The following FGF18 variants were observed in gnomAD, a reference collection of about 807,000 sequenced individuals.
FGF18 encodes the protein fibroblast growth factor 18.
FGF18 carries 5 observed loss-of-function variants against 23.0 expected under a neutral mutation model. That is an observed-to-expected ratio of 0.22 (90% CI 0.11 to 0.46). The LOEUF is 0.46. Among genes scored for constraint, FGF18 ranks in the 20% least tolerant of loss-of-function variants. FGF18 has a pLI of 0.99. For missense variants in FGF18, 180 were observed against 291.6 expected, an observed-to-expected ratio of 0.62 and a Z score of 2.79; for synonymous variants, 117 against 118.9, an observed-to-expected ratio of 0.98 and a Z score of 0.10.
At position 171,420,155 on chromosome 5, in the gene FGF18, A is replaced by G; in HGVS notation, c.-45A>G. ...CCGGTCCCGGCCGCGCGGAGCGGAC[A>G]TGTGCAGGCTGGGCTAGGAGCCGCC... On this transcript the variant is annotated 5_prime_UTR_variant, in exon 1 of 5. An upstream start codon of the reference 5' UTR is lost. Transcript: ENST00000274625. 6.7e-7 allele frequency: 1 copy of G among 1,503,752 alleles called. No individual in the cohort carries two copies. The highest frequency in any genetic ancestry group is 8.9e-7 in the Non-Finnish European group (1 of 1,129,730). 93.2% of individuals were successfully genotyped at this position (1,503,752 alleles called of 1,614,324 possible).
Position 171,456,314 on chromosome 5 carries a change from C to A in FGF18, c.358-225C>A. On this transcript the variant is annotated intron_variant, in intron 4 of 4. Transcript: ENST00000274625. The surrounding 1 kb of genome is among the most constrained non-coding windows in gnomAD (Gnocchi z 6.1). ...CTTTAGCCAGAATCCCCTACACCCTCGATGTTTCCTCTTAGTCATTTTCCA... is the reference window on the plus strand; with the variant it reads ...CTTTAGCCAGAATCCCCTACACCCTAGATGTTTCCTCTTAGTCATTTTCCA... Among the ~76,000 whole-genome samples, 1 of 152,152 alleles carries A rather than the reference C, an allele frequency of 6.6e-6. No homozygotes were observed. Among genetic ancestry groups the A allele is most frequent in the East Asian group, 1.9e-4 (1 of 5,184 alleles).
chr5:171,420,568 T>G, intron 2 of FGF18, 125 bp downstream of exon 2: 27 of 905,850 alleles, frequency 3.0e-5, no homozygotes, highest in Non-Finnish European at 4.0e-5. Flanking sequence ...AGTGCACCTG[T>G]TCCCAGGGCG....
At chr5:171,447,960 G>A (rs888758574) in intron 3 of FGF18, among the ~76,000 whole-genome samples, 1 of 152,178 alleles carries the variant, frequency 6.6e-6, no homozygotes, top group Non-Finnish European at 1.5e-5. Flanking sequence ...CTGGTACTGG[G>A]GAGTCAGGCA....
intron 2 of FGF18, among the ~76,000 whole-genome samples, chr5:171,421,635 A>G (rs565141093): frequency 4.6e-5 from 7 of 152,260 alleles, no homozygotes; most frequent in African/African-American, 1.7e-4. Context: ...AGCCACTCGC[A>G]GTGTTTGGCG....
rs944631843 is a variant in FGF18 at position 171,440,872 on chromosome 5, G to A, written c.250+4599G>A. Among the ~76,000 whole-genome samples, 2 of 152,200 alleles carry A rather than the reference G, an allele frequency of 1.3e-5. No individual in the cohort carries two copies. Among genetic ancestry groups the A allele is most frequent in the East Asian group, 1.9e-4 (1 of 5,196 alleles). On this transcript the variant is annotated intron_variant, in intron 3 of 4. Transcript: ENST00000274625. This position sits in a 1 kb window ranked among gnomAD's most constrained non-coding sequence, Gnocchi z 4.0. ...CTTGTCCCAACAAGGGTCCTGCTGC[G>A]GTGGAACCATCTGTTGACGTGGCTG...
chr5:171,452,376 C>G (rs1421344043), intron 4 of FGF18, among the ~76,000 whole-genome samples: 2 of 152,200 alleles, frequency 1.3e-5, no homozygotes, highest in African/African-American at 4.8e-5. Flanking sequence ...TGTGCCAACC[C>G]TGCACATCTC....
chr5:171,453,943 G>A (rs1474651459), intron 4 of FGF18, among the ~76,000 whole-genome samples: 1 of 152,016 alleles, frequency 6.6e-6, no homozygotes, highest in East Asian at 1.9e-4. Flanking sequence ...ATGAAAATGC[G>A]TTCAACCCCA....
chr5:171,443,194 A>T (rs981410851), intron 3 of FGF18, among the ~76,000 whole-genome samples: 1 of 151,660 alleles, frequency 6.6e-6, no homozygotes, highest in Non-Finnish European at 1.5e-5. Context: ...CAGTGGTGCA[A>T]TCTCGGCTCA....
chr5:171,420,563 A>G, intron 2 of FGF18, 120 bp downstream of exon 2: 1 of 972,740 alleles, frequency 1.0e-6, no homozygotes, highest in Non-Finnish European at 1.6e-6. Flanking sequence ...AGCCCAGTGC[A>G]CCTGTTCCCA....
chr5:171,425,631 C>T (rs187527806), intron 2 of FGF18, among the ~76,000 whole-genome samples: 2 of 150,942 alleles, frequency 1.3e-5, no homozygotes, highest in Non-Finnish European at 2.9e-5. Flanking sequence ...GCCGGGTTCA[C>T]GCCATTCTCC....
At chr5:171,432,575 AT>A (rs1193104318) in intron 2 of FGF18, among the ~76,000 whole-genome samples, 2 of 151,914 alleles carry the variant, frequency 1.3e-5, no homozygotes, top group Non-Finnish European at 2.9e-5. Flanking sequence ...CACCTGGCTA[AT>A]TTTTGTATTT....
At chr5:171,435,855 T>G (rs1224339781) in intron 2 of FGF18, among the ~76,000 whole-genome samples, 1 of 152,114 alleles carries the variant, frequency 6.6e-6, no homozygotes, top group Admixed American at 6.5e-5. Flanking sequence ...CTAGGCCTGA[T>G]TCTTAGCTTT....
intron 3 of FGF18, among the ~76,000 whole-genome samples, chr5:171,441,508 TC>T (rs1030248766): frequency 6.6e-6 from 1 of 152,204 alleles, no homozygotes; most frequent in Non-Finnish European, 1.5e-5. Flanking sequence ...AATGCTCTTC[TC>T]CCAGATATCC....
At chr5:171,445,998 C>A (rs1772413873) in intron 3 of FGF18, among the ~76,000 whole-genome samples, 1 of 152,140 alleles carries the variant, frequency 6.6e-6, no homozygotes, top group African/African-American at 2.4e-5. Context: ...TCTCCTGTCT[C>A]TCTCTCTCTG....
intron 2 of FGF18, among the ~76,000 whole-genome samples, chr5:171,430,084 C>T (rs983418030): frequency 1.3e-5 from 2 of 152,320 alleles, no homozygotes; most frequent in South Asian, 2.1e-4. Flanking sequence ...CCAGGCTGAG[C>T]GCGGTGGCTC....
Position 171,449,269 on chromosome 5 carries a change from G to T in FGF18, c.357+16G>T. 6.3e-7 allele frequency: 1 copy of T among 1,597,354 alleles called. No homozygotes were observed. The highest frequency in any genetic ancestry group is 1.1e-5 in the South Asian group (1 of 90,722). On this transcript the variant is annotated intron_variant, in intron 4 of 4. Transcript: ENST00000274625. ...CGTGGGGAAGGTGAGTGATGGTTTG[G>T]GATTCCCGGGAACTTCGGGTTCCCC... is the stretch of plus-strand genomic sequence containing the variant.
chr5:171,454,738 C>T (rs1772558477), intron 4 of FGF18, among the ~76,000 whole-genome samples: 1 of 152,262 alleles, frequency 6.6e-6, no homozygotes, highest in African/African-American at 2.4e-5. Flanking sequence ...CACAGCCAGA[C>T]CGCTGGGCTT....
At chr5:171,433,454 C>A (rs893602047) in intron 2 of FGF18, among the ~76,000 whole-genome samples, 3 of 152,202 alleles carry the variant, frequency 2.0e-5, no homozygotes, top group African/African-American at 7.2e-5. Flanking sequence ...GGGCCAGCCA[C>A]CTCCGGAAGT....
chr5:171,425,943 G>A (rs1170465794), intron 2 of FGF18, among the ~76,000 whole-genome samples: 1 of 152,174 alleles, frequency 6.6e-6, no homozygotes, highest in Non-Finnish European at 1.5e-5. Context: ...CCTGCGTTTG[G>A]TCACATAGCA....
Sources: allele counts gnomAD v4.1 joint callset (sites outside exome capture counted in the v4.1 genomes callset), GRCh38; gene constraint gnomAD v4.1.1; non-coding constraint Gnocchi (gnomAD v3.1); transcripts MANE v1.5; gene names NCBI Gene and HGNC (gene_info 2026-07-23, HGNC 2026-07-21).